The following RBBP7 variants were observed in gnomAD, a reference collection of about 807,000 sequenced individuals.
RBBP7 encodes the protein RB binding protein 7, chromatin remodeling factor.
In RBBP7, 5 loss-of-function variants were observed where a neutral mutation model predicts 35.2. The ratio of observed to expected loss-of-function variants is 0.14; its 90% CI spans 0.07 to 0.30. RBBP7 has a LOEUF of 0.30. Among genes scored for constraint, RBBP7 ranks in the 10% least tolerant of loss-of-function variants. The pLI, the probability that RBBP7 is intolerant of heterozygous loss-of-function variation, is 1.00. For missense variants in RBBP7, 155 were observed against 327.5 expected, an observed-to-expected ratio of 0.47 and a Z score of 4.07; for synonymous variants, 140 against 118.7, an observed-to-expected ratio of 1.18 and a Z score of -1.17.
chrX:16,850,814 T>C (rs1930193937), intron 9 of RBBP7, among the ~76,000 whole-genome samples: 1 of 112,533 alleles, frequency 8.9e-6, no homozygotes. Flanking sequence ...ATTTGGACTT[T>C]CACACCGAGT....
intron 10 of RBBP7, 62 bp downstream of exon 10, chrX:16,849,182 A>G: frequency 9.3e-7 from 1 of 1,077,319 alleles, no homozygotes. Context: ...TTCTCGAAAT[A>G]AAGAGATCAA....
chrX:16,870,223 T>C lies in RBBP7; in HGVS notation c.-170A>G. ...GCTCCCCAGACGCCGCGTCCTTCTT[T>C]CCTGCCTCCTCCCCGCTCGCGGGTA... On this transcript the variant is annotated 5_prime_UTR_variant, in exon 1 of 12. Coordinates refer to ENST00000380087, the MANE Select transcript of RBBP7 (RefSeq NM_002893.4). 1 of 627,679 alleles carries C rather than the reference T, an allele frequency of 1.6e-6. No homozygotes were observed. The highest frequency in any genetic ancestry group is 2.4e-5 in the African/African-American group (1 of 41,488). The allele number at this position is 627,679 out of a possible 1,213,427, so 51.7% of individuals were successfully genotyped here. A position where few individuals can be genotyped will look rare whatever the true frequency, so the allele number is the denominator to read the frequency against.
At chrX:16,861,152 C>T (rs1375940449) in intron 3 of RBBP7, among the ~76,000 whole-genome samples, 3 of 111,819 alleles carry the variant, frequency 2.7e-5, no homozygotes, top group East Asian at 2.8e-4. Flanking sequence ...CCAGCCTGGG[C>T]GACTGAGCGA....
rs1443261041 is a variant in RBBP7 at position 16,869,637 on chromosome X, G to A, written c.16+401C>T. The A allele has an allele frequency of 4.3e-6, 5 of 1,149,441 alleles. No homozygotes were observed. The highest frequency in any genetic ancestry group is 2.0e-5 in the South Asian group (1 of 49,923). The allele number at this position is 1,149,441 out of a possible 1,213,427, so 94.7% of individuals were successfully genotyped here. On this transcript the variant is annotated intron_variant, in intron 1 of 11. Transcript: ENST00000380087. ...AGCTCCCACGACGCCCGCCTCGGCA[G>A]CCATAGGCCTGAGGACCCCAGCAAC...
chrX:16,863,188 C>A, intron 2 of RBBP7, 88 bp from the exon 3 acceptor site: 1 of 930,261 alleles, frequency 1.1e-6, no homozygotes, highest in Non-Finnish European at 1.5e-6. Context: ...AAAATACATT[C>A]ATATTTCTTT....
Position 16,870,152 on chromosome X carries a change from A to G in RBBP7, c.-99T>C. 1.0e-6 allele frequency: 1 copy of G among 979,221 alleles called. No individual in the cohort carries two copies. Among genetic ancestry groups the G allele is most frequent in the Non-Finnish European group, 1.3e-6 (1 of 765,340 alleles). 80.7% of individuals were successfully genotyped at this position (979,221 alleles called of 1,213,427 possible). ...CGCTCCTGCCTTTCCCAAGCGCGTCACACTCCCCACTGTCGAAAGCCCGGG... is the reference window on the plus strand; with the variant it reads ...CGCTCCTGCCTTTCCCAAGCGCGTCGCACTCCCCACTGTCGAAAGCCCGGG... On this transcript the variant is annotated 5_prime_UTR_variant, in exon 1 of 12. Coordinates refer to ENST00000380087, the MANE Select transcript of RBBP7 (RefSeq NM_002893.4).
At chrX:16,855,807 G>A (rs187255418) in intron 5 of RBBP7, among the ~76,000 whole-genome samples, 1 of 108,390 alleles carries the variant, frequency 9.2e-6, no homozygotes, top group Admixed American at 9.9e-5. Flanking sequence ...GACCAGTTTG[G>A]GCAATACGGC....
intron 3 of RBBP7, among the ~76,000 whole-genome samples, chrX:16,860,281 AAGG>A (rs770002202): frequency 5.2e-4 from 22 of 42,076 alleles, no homozygotes; most frequent in East Asian, 3.9e-3. Context: ...TTAAAAAAAA[AAGG>A]GGGGGGGGCG....
At chrX:16,852,253 T>C (rs1254425215) in intron 8 of RBBP7, 131 bp from the exon 9 acceptor site, 2 of 630,435 alleles carry the variant, frequency 3.2e-6, no homozygotes, top group African/African-American at 4.4e-5. Flanking sequence ...CCTCACTCTC[T>C]TGTCCCCGAC....
At chrX:16,869,436 G>A in intron 1 of RBBP7, 1 of 1,146,055 alleles carries the variant, frequency 8.7e-7, no homozygotes, top group Non-Finnish European at 1.2e-6. Context: ...CGTACACCAT[G>A]TTGGGTAGTC....
intron 1 of RBBP7, chrX:16,869,809 A>C (rs1930731512): frequency 3.3e-6 from 3 of 916,889 alleles, no homozygotes; most frequent in Non-Finnish European, 4.0e-6. Flanking sequence ...GAGGGAAGGG[A>C]AGAGGGGGGC....
intron 6 of RBBP7, 54 bp from the exon 7 acceptor site, chrX:16,852,929 G>A (rs1225546573): frequency 9.1e-6 from 11 of 1,203,378 alleles, no homozygotes; most frequent in East Asian, 3.0e-5. Flanking sequence ...ACTCACATTC[G>A]GCCTCACATC....
chrX:16,847,719 T>A (rs1479312463), intron 10 of RBBP7: 2 of 105,747 alleles, frequency 1.9e-5, no homozygotes, highest in Non-Finnish European at 3.9e-5. Context: ...CCTGGCTAAT[T>A]TATGTATTTT....
chrX:16,859,697 T>C (rs1184123385), intron 3 of RBBP7, among the ~76,000 whole-genome samples: 3 of 112,201 alleles, frequency 2.7e-5, no homozygotes, highest in East Asian at 2.8e-4. Flanking sequence ...CTGACCTATA[T>C]TGCCTTTTCT....
chrX:16,861,556 C>G (rs938242527), intron 3 of RBBP7, among the ~76,000 whole-genome samples: 1 of 111,600 alleles, frequency 9.0e-6, no homozygotes, highest in Non-Finnish European at 1.9e-5. Context: ...ACTGTGTGCC[C>G]TGAGTGGTCT....
At chrX:16,869,525 G>A (rs1386907347) in intron 1 of RBBP7, 1 of 1,166,998 alleles carries the variant, frequency 8.6e-7, no homozygotes, top group East Asian at 3.3e-5. Flanking sequence ...TACGTACAGG[G>A]GCTGCGCGAC....
In RBBP7 at chrX:16,870,095, C is replaced by T; in HGVS notation, c.-42G>A. ...CGCCCCTCGCCGCCGCCTCGGACTCCTCTCGTTAGCCAAGAGCAGCCCGAC... is the reference window on the plus strand; with the variant it reads ...CGCCCCTCGCCGCCGCCTCGGACTCTTCTCGTTAGCCAAGAGCAGCCCGAC... On this transcript the variant is annotated 5_prime_UTR_variant, in exon 1 of 12. Coordinates refer to ENST00000380087, the MANE Select transcript of RBBP7 (RefSeq NM_002893.4). 1 of 1,078,037 alleles carries T rather than the reference C, an allele frequency of 9.3e-7. No homozygotes were observed. Among genetic ancestry groups the T allele is most frequent in the South Asian group, 2.3e-5 (1 of 42,949 alleles). The allele number at this position is 1,078,037 out of a possible 1,213,427, so 88.8% of individuals were successfully genotyped here. A position where few individuals can be genotyped will look rare whatever the true frequency, so the allele number is the denominator to read the frequency against.
intron 10 of RBBP7, chrX:16,846,146 A>C (rs1005810184): frequency 2.2e-6 from 1 of 459,263 alleles, no homozygotes; most frequent in Non-Finnish European, 3.2e-6. Context: ...AGTACAATGG[A>C]TACCTGTATA....
intron 2 of RBBP7, among the ~76,000 whole-genome samples, chrX:16,868,726 A>G (rs1183860204): frequency 1.8e-5 from 2 of 112,502 alleles, no homozygotes; most frequent in Non-Finnish European, 3.8e-5. Context: ...AACACTTAAG[A>G]TGTGTGAACT....
Sources: allele counts gnomAD v4.1 joint callset (sites outside exome capture counted in the v4.1 genomes callset), GRCh38; gene constraint gnomAD v4.1.1; transcripts MANE v1.5; gene names NCBI Gene and HGNC (gene_info 2026-07-23, HGNC 2026-07-21).